The following NIPBL variants were observed in gnomAD, a reference collection of about 807,000 sequenced individuals.
NIPBL encodes the protein nipped-B-like protein.
In NIPBL, 19 loss-of-function variants were observed where a neutral mutation model predicts 321.8. The observed-to-expected ratio is 0.06, with a 90% CI of 0.04 to 0.09. NIPBL has a LOEUF of 0.09. NIPBL is among the 10% of genes least tolerant of loss of function. NIPBL has a pLI of 1.00. For missense variants in NIPBL, 2,210 were observed against 3,327.0 expected (o/e 0.66, Z 8.26); for synonymous variants, 1,106 against 1,114.1 (o/e 0.99, Z 0.14).
intron 27 of NIPBL, 136 bp from the exon 28 acceptor site, chr5:37,021,915 A>G (rs1749694218): frequency 7.0e-6 from 5 of 717,390 alleles, no homozygotes; most frequent in South Asian, 5.0e-5. Flanking sequence ...TCATTAGGAA[A>G]GATCCTTTAC....
chr5:36,940,896 T>C (rs1022700630), intron 1 of NIPBL, among the ~76,000 whole-genome samples: 7 of 152,216 alleles, frequency 4.6e-5, no homozygotes, highest in Admixed American at 1.3e-4. Flanking sequence ...GTTACTGTTA[T>C]GGAATTTATC....
rs375670933 is a variant in NIPBL, at chr5:36,900,970, C to G, written c.-80+23792C>G. Among the ~76,000 whole-genome samples, 7 of 152,100 alleles carry G rather than the reference C, an allele frequency of 4.6e-5. No individual in the cohort carries two copies. In the East Asian group the frequency reaches 9.7e-4, roughly 21 times the overall value. ...TTTTCCCCAGCCTTTATTTTAGATT[C>G]CAGGGGGTACATGTGCAGGTTTGTT... is the stretch of plus-strand genomic sequence containing the variant. On this transcript the variant is annotated intron_variant, in intron 1 of 46. Transcript: ENST00000282516.
chr5:36,934,796 C>T (rs183780087), intron 1 of NIPBL, among the ~76,000 whole-genome samples: 2 of 152,016 alleles, frequency 1.3e-5, no homozygotes, highest in Non-Finnish European at 2.9e-5. Flanking sequence ...TTTTGAAGAG[C>T]TATAGGTAGA....
At chr5:36,937,047 GT>G (rs1738511434) in intron 1 of NIPBL, among the ~76,000 whole-genome samples, 1 of 152,068 alleles carries the variant, frequency 6.6e-6, no homozygotes, top group South Asian at 2.1e-4. Context: ...TTACCCAGAA[GT>G]TTTATCAATT....
intron 34 of NIPBL, among the ~76,000 whole-genome samples, chr5:37,043,066 T>C (rs1284130004): frequency 6.6e-6 from 1 of 152,048 alleles, no homozygotes; most frequent in Admixed American, 6.6e-5. Flanking sequence ...TTATTAGTTT[T>C]TCTAATCAAA....
chr5:36,924,809 C>T (rs1481451929), intron 1 of NIPBL, among the ~76,000 whole-genome samples: 1 of 152,144 alleles, frequency 6.6e-6, no homozygotes, highest in African/African-American at 2.4e-5. Flanking sequence ...TTAAGATTTC[C>T]TTGTCCTATC....
intron 1 of NIPBL, among the ~76,000 whole-genome samples, chr5:36,906,824 C>G (rs544288518): frequency 2.0e-5 from 3 of 152,238 alleles, no homozygotes; most frequent in African/African-American, 7.2e-5. Context: ...GAACTTTAAT[C>G]TATATGTTCC....
At chr5:37,011,194 T>C (rs1748077873) in intron 21 of NIPBL, among the ~76,000 whole-genome samples, 1 of 152,196 alleles carries the variant, frequency 6.6e-6, no homozygotes, top group Non-Finnish European at 1.5e-5. Flanking sequence ...CAAATAATTT[T>C]GTTTATCTAC....
intron 29 of NIPBL, among the ~76,000 whole-genome samples, chr5:37,023,274 G>A (rs1034613162): frequency 6.6e-6 from 1 of 152,118 alleles, no homozygotes; most frequent in Non-Finnish European, 1.5e-5. Flanking sequence ...GGATTCCCAC[G>A]TATCTGATAA....
intron 32 of NIPBL, among the ~76,000 whole-genome samples, chr5:37,030,781 G>A (rs183977634): frequency 2.4e-4 from 36 of 151,546 alleles, no homozygotes; most frequent in African/African-American, 8.5e-4. Context: ...TGGAGACAGG[G>A]TCTCGCTGTG....
At chr5:36,888,491 G>C (rs59774526) in intron 1 of NIPBL, among the ~76,000 whole-genome samples, 6,352 of 152,120 alleles carry the variant, frequency 0.042, 452 homozygotes, top group African/African-American at 0.14. Context: ...GAAAGTTAAA[G>C]GAAGGACTTT....
chr5:36,993,434 G>A (rs934466072), intron 10 of NIPBL, among the ~76,000 whole-genome samples: 3 of 152,122 alleles, frequency 2.0e-5, no homozygotes, highest in Admixed American at 1.3e-4. Context: ...TGGATATAAG[G>A]CATAGGTTAT....
rs576759686 is a variant in NIPBL at position 36,929,034 on chromosome 5, A to G, written c.-79-24584A>G. On this transcript the variant is annotated intron_variant, in intron 1 of 46. Transcript: ENST00000282516. The stretch of plus-strand genomic sequence containing the variant: ...TCTTGGATACATTCCTAAGAATGGA[A>G]TTGCTGGGTCATATGATAATTAACT... Among the ~76,000 whole-genome samples, 5 of 151,614 alleles carry G rather than the reference A, an allele frequency of 3.3e-5. No homozygotes were observed. In the South Asian group the frequency reaches 8.3e-4, roughly 25 times the overall value.
At chr5:36,966,474 A>G (rs1011703373) in intron 6 of NIPBL, among the ~76,000 whole-genome samples, 1 of 152,104 alleles carries the variant, frequency 6.6e-6, no homozygotes, top group Non-Finnish European at 1.5e-5. Context: ...TATCATTATC[A>G]TAAAATGGTC....
Position 37,024,647 on chromosome 5 carries a change from A to G in NIPBL, c.5637A>G (p.Gln1879=), listed in dbSNP as rs1223001417. ...IKILRDICIE[Q]PTFPKITEMC... ...TTCTCAGAGACATTTGTATTGAACA[A>G]CCAACATTTCCAAAAATCACAGAAA... The change falls in exon 30 of 47, where the codon CAA becomes CAG. Residue 1879 remains glutamine (Q), a synonymous_variant. Transcript: ENST00000282516. 5 of 1,611,478 alleles carry G rather than the reference A, an allele frequency of 3.1e-6. No individual in the cohort carries two copies. The highest frequency in any genetic ancestry group is 1.3e-5 in the African/African-American group (1 of 74,900).
chr5:36,986,475 A>T (rs1038367748), intron 10 of NIPBL, among the ~76,000 whole-genome samples, 174 bp downstream of exon 10: 1 of 151,712 alleles, frequency 6.6e-6, no homozygotes, highest in Non-Finnish European at 1.5e-5. Flanking sequence ...TTTCCAGTGA[A>T]TTTTTTTTTC....
intron 6 of NIPBL, among the ~76,000 whole-genome samples, chr5:36,968,276 CCATTCATGACAT>C (rs1436568224): frequency 1.3e-5 from 2 of 152,040 alleles, no homozygotes; most frequent in Non-Finnish European, 2.9e-5. Flanking sequence ...GATTCAACTT[CCATTCATGACAT>C]TTAAAACTTT....
intron 5 of NIPBL, 27 bp from the exon 6 acceptor site, chr5:36,962,096 T>A: frequency 6.2e-7 from 1 of 1,613,320 alleles, no homozygotes; most frequent in Non-Finnish European, 8.5e-7. Flanking sequence ...TTTCCTTATA[T>A]TTTTTTATTT....
At chr5:37,022,508 A>G (rs1749763431) in intron 29 of NIPBL, 118 bp downstream of exon 29, 1 of 917,124 alleles carries the variant, frequency 1.1e-6, no homozygotes, top group African/African-American at 1.7e-5. Flanking sequence ...TTATATTGTC[A>G]AATTTATGAA....
Sources: allele counts gnomAD v4.1 joint callset (sites outside exome capture counted in the v4.1 genomes callset), GRCh38; gene constraint gnomAD v4.1.1; transcripts MANE v1.5; gene names NCBI Gene and HGNC (gene_info 2026-07-23, HGNC 2026-07-21).